The following SLC41A3 variants were observed in gnomAD, a reference collection of about 807,000 sequenced individuals.
The protein encoded by SLC41A3 is solute carrier family 41 member 3.
In SLC41A3, 44 loss-of-function variants were observed where a neutral mutation model predicts 45.4. The ratio of observed to expected loss-of-function variants is 0.97; its 90% CI spans 0.76 to 1.25. SLC41A3 has a LOEUF of 1.25. Among genes scored for constraint, SLC41A3 ranks in the 50% most tolerant of loss-of-function variants. SLC41A3 has a pLI of 0.00. For synonymous variants in SLC41A3, 256 were observed against 252.4 expected (o/e 1.01, Z -0.13); for missense variants, 550 against 600.6 (o/e 0.92, Z 0.88).
intron 3 of SLC41A3, among the ~76,000 whole-genome samples, chr3:126,048,758 G>A (rs1228458461): frequency 1.3e-5 from 2 of 152,176 alleles, no homozygotes; most frequent in Non-Finnish European, 2.9e-5. Flanking sequence ...TGGAGTAGGG[G>A]AGTGGGCTGC....
At chr3:126,089,131 G>T (rs1576385304), upstream of SLC41A3, among the ~76,000 whole-genome samples, 1 of 152,160 alleles carries the variant, frequency 6.6e-6, no homozygotes, top group Non-Finnish European at 1.5e-5. Context: ...CACCAAATAT[G>T]CCTATTACCG....
At chr3:126,067,044 CAATGTA>C (rs1944379938) in intron 2 of SLC41A3, among the ~76,000 whole-genome samples, 2 of 138,864 alleles carry the variant, frequency 1.4e-5, no homozygotes, top group Non-Finnish European at 3.1e-5. Context: ...CAATGTGTGT[CAATGTA>C]CATGTCTCAT....
chr3:126,021,418 T>G (rs1940872310), intron 6 of SLC41A3, among the ~76,000 whole-genome samples: 2 of 152,204 alleles, frequency 1.3e-5, no homozygotes, highest in Non-Finnish European at 2.9e-5. Flanking sequence ...AATTTCACCA[T>G]CTTGCCCTTT....
chr3:126,060,439 T>TGGATACACACACACACACACAC (rs374526991), intron 2 of SLC41A3, among the ~76,000 whole-genome samples: 3 of 146,322 alleles, frequency 2.1e-5, no homozygotes, highest in Admixed American at 2.0e-4. Flanking sequence ...GTGAGAAGGA[T>TGGATACACACACACACACACAC]ACACACACAC....
At chr3:126,093,057 G>C (rs1945521274) in intron 1 of SLC41A3, among the ~76,000 whole-genome samples, 1 of 152,128 alleles carries the variant, frequency 6.6e-6, no homozygotes, top group South Asian at 2.1e-4. Flanking sequence ...TTCTATTTAG[G>C]CAAGAATCCA....
chr3:126,101,086 A>G (rs760972228), intron 1 of SLC41A3, among the ~76,000 whole-genome samples: 2 of 152,002 alleles, frequency 1.3e-5, no homozygotes, highest in Non-Finnish European at 2.9e-5. Flanking sequence ...GCAGCCGCAC[A>G]CCCCTCCTTC....
chr3:126,087,910 G>A (rs1471725178), upstream of SLC41A3, among the ~76,000 whole-genome samples: 1 of 151,932 alleles, frequency 6.6e-6, no homozygotes, highest in Non-Finnish European at 1.5e-5. Context: ...CTAAATAATT[G>A]GCTAAAACAG....
At chr3:126,059,311 G>GAAAGA (rs1576331873) in intron 2 of SLC41A3, among the ~76,000 whole-genome samples, 3 of 81,158 alleles carry the variant, frequency 3.7e-5, no homozygotes, top group African/African-American at 9.6e-5. Context: ...AGAAAGAAAG[G>GAAAGA]AAGGATGATC....
chr3:126,051,163 T>C, intron 2 of SLC41A3, 113 bp from the exon 3 acceptor site: 1 of 1,191,352 alleles, frequency 8.4e-7, no homozygotes, highest in East Asian at 2.8e-5. Context: ...AATGAACAAA[T>C]AGGACTAAGT....
chr3:126,101,281 T>C (rs1189907686), intron 1 of SLC41A3: 1 of 152,304 alleles, frequency 6.6e-6, no homozygotes, highest in Non-Finnish European at 1.5e-5. Flanking sequence ...CTTGGTTCCA[T>C]GACCAACACT....
upstream of SLC41A3, among the ~76,000 whole-genome samples, chr3:126,087,024 C>G (rs1270590343): frequency 6.6e-6 from 1 of 152,016 alleles, no homozygotes; most frequent in Non-Finnish European, 1.5e-5. Context: ...TTAAAATGTT[C>G]TAAGAATTGT....
chr3:126,038,301 C>G (rs932967270), intron 3 of SLC41A3, among the ~76,000 whole-genome samples: 1 of 152,176 alleles, frequency 6.6e-6, no homozygotes, highest in Non-Finnish European at 1.5e-5. Context: ...CCCTCCATAC[C>G]CTAGAATAGT....
rs1256750030 is a variant in SLC41A3, at chr3:126,015,507, G to C, written c.957C>G (p.Thr319=). 5.0e-6 allele frequency: 8 copies of C among 1,614,170 alleles called. No homozygotes were observed. Among genetic ancestry groups the C allele is most frequent in the Non-Finnish European group, 6.8e-6 (8 of 1,180,028 alleles). ...TCAAATACGTACCACATATGACGGG[G>C]GTAAATATCGCCATGCCTTTGTACT... is the stretch of plus-strand genomic sequence containing the variant. The part of the protein sequence containing the change: ...KQQYKGMAIF[T]PVICGVGGNL... Residue 319 remains threonine (T), a synonymous_variant, in exon 8 of 11, where the codon ACC becomes ACG. Transcript: ENST00000360370.
intron 1 of SLC41A3, among the ~76,000 whole-genome samples, chr3:126,097,021 G>A (rs1945617036): frequency 6.6e-6 from 1 of 152,232 alleles, no homozygotes; most frequent in Non-Finnish European, 1.5e-5. Context: ...GAACAGGAAT[G>A]AAAGGAAGGT....
At position 126,095,756 on chromosome 3, in the gene SLC41A3, C is replaced by T. The variant is rs145109706; in HGVS notation, c.-79+5673G>A. 1.8e-4 allele frequency among the ~76,000 whole-genome samples: 28 copies of T among 151,488 alleles called. No individual in the cohort carries two copies. The South Asian group carries it at 2.1e-3, about 11-fold the overall frequency. On this transcript the variant is annotated intron_variant, in intron 1 of 9. Coordinates refer to the SLC41A3 transcript ENST00000508835. The stretch of plus-strand genomic sequence containing the variant: ...CAGAACAGGCAGAGGTGCTGCACAA[C>T]GATTCCTATGGAATCATTATTAATT...
Position 126,022,892 on chromosome 3 carries a change from G to C in SLC41A3, c.639C>G (p.Leu213=). 6.2e-7 allele frequency: 1 copy of C among 1,614,168 alleles called. No homozygotes were observed. The highest frequency in any genetic ancestry group is 8.5e-7 in the Non-Finnish European group (1 of 1,180,032). The change falls in exon 6 of 11, where the codon CTC becomes CTG. Residue 213 remains leucine, a synonymous_variant. Coordinates refer to ENST00000360370, the MANE Select transcript of SLC41A3 (RefSeq NM_017836.4). The part of the protein sequence containing the change: ...MVCIVIGARK[L]GVNPDNIATP... ...TGGCAATGTTGTCTGGGTTGACCCC[G>C]AGCTTTCGAGCACCAATCACTATAC...
intron 2 of SLC41A3, among the ~76,000 whole-genome samples, chr3:126,055,239 G>A (rs983445769): frequency 6.6e-6 from 1 of 152,132 alleles, no homozygotes; most frequent in South Asian, 2.1e-4. Flanking sequence ...TGCAGGCCAG[G>A]CACGGTGGCT....
At chr3:126,081,042 T>C (rs1945124026) in intron 1 of SLC41A3, among the ~76,000 whole-genome samples, 1 of 152,078 alleles carries the variant, frequency 6.6e-6, no homozygotes, top group South Asian at 2.1e-4. Context: ...AACCAGGATA[T>C]TGAAGAGATA....
chr3:126,032,988 C>T (rs1941917245), intron 4 of SLC41A3, among the ~76,000 whole-genome samples: 1 of 152,166 alleles, frequency 6.6e-6, no homozygotes, highest in Non-Finnish European at 1.5e-5. Flanking sequence ...TCATCTCCCC[C>T]TGCCTTGGGC....
Sources: allele counts gnomAD v4.1 joint callset (sites outside exome capture counted in the v4.1 genomes callset), GRCh38; gene constraint gnomAD v4.1.1; transcripts MANE v1.5; gene names NCBI Gene and HGNC (gene_info 2026-07-23, HGNC 2026-07-21).